TTC29: variants seen among roughly 807,000 people sequenced by gnomAD.
The protein encoded by TTC29 is tetratricopeptide repeat protein 29.
TTC29 carries 49 observed loss-of-function variants against 58.1 expected under a neutral mutation model. That is an observed-to-expected ratio of 0.84 (90% CI 0.67 to 1.07). The LOEUF (loss-of-function observed/expected upper bound fraction) is 1.07. Ranked by LOEUF, TTC29 falls within the 50% of genes least tolerant of loss-of-function variation. TTC29 has a pLI of 0.00. For synonymous variants in TTC29, 209 were observed against 196.8 expected, an observed-to-expected ratio of 1.06 and a Z score of -0.52; for missense variants, 582 against 555.6, an observed-to-expected ratio of 1.05 and a Z score of -0.48.
At chr4:146,944,760 A>G (rs374436309) in intron 2 of TTC29, among the ~76,000 whole-genome samples, 10 of 152,320 alleles carry the variant, frequency 6.6e-5, no homozygotes, top group African/African-American at 2.4e-4. Context: ...CTCTTTTACT[A>G]TGAAAGTTTA....
chr4:146,836,742 A>T (rs937730618), intron 8 of TTC29, among the ~76,000 whole-genome samples: 4 of 152,162 alleles, frequency 2.6e-5, no homozygotes, highest in Middle Eastern at 3.2e-3. Context: ...GCATATGGAA[A>T]AAAGCTCAAT....
At chr4:146,787,639 C>T (rs1033603458) in intron 11 of TTC29, among the ~76,000 whole-genome samples, 13 of 152,216 alleles carry the variant, frequency 8.5e-5, no homozygotes, top group African/African-American at 3.1e-4. Flanking sequence ...GTGAAAGCTG[C>T]AGCTTCACCG....
rs1169819657 is a variant in TTC29 at position 146,803,493 on chromosome 4, C to T, written c.1294G>A (p.Glu432Lys). The T allele has an allele frequency of 3.1e-6, 5 of 1,595,622 alleles. No individual in the cohort carries two copies. The highest frequency in any genetic ancestry group is 4.3e-6 in the Non-Finnish European group (5 of 1,169,574). The change falls in exon 11 of 13, where the codon GAG (glutamate) becomes AAG (lysine). Residue 432 changes from glutamate (E) to lysine (K), a missense_variant. By Grantham distance (56) the Glu-to-Lys change is moderately conservative. Coordinates refer to ENST00000325106, the MANE Select transcript of TTC29 (RefSeq NM_031956.4). Reference protein sequence around the residue: ...TSLNYLLSWKESRGNIEPDPV... With the variant: ...TSLNYLLSWKKSRGNIEPDPV... The stretch of plus-strand genomic sequence containing the variant: ...TCAGGTTCAATGTTACCTCTGCTCT[C>T]CTTCCATGACAGCAGGTAGTTGAGG...
intron 11 of TTC29, among the ~76,000 whole-genome samples, chr4:146,718,124 A>G (rs1041941122): frequency 3.9e-5 from 6 of 152,108 alleles, no homozygotes; most frequent in Non-Finnish European, 8.8e-5. Context: ...TTCTTTATCC[A>G]TTCATTGGTT....
At chr4:146,747,125 T>C (rs1002214049) in intron 11 of TTC29, among the ~76,000 whole-genome samples, 1 of 152,060 alleles carries the variant, frequency 6.6e-6, no homozygotes, top group African/African-American at 2.4e-5. Context: ...ACTTGCAGTT[T>C]TTACTACTAG....
At chr4:146,919,884 A>G (rs1200982857) in intron 4 of TTC29, among the ~76,000 whole-genome samples, 1 of 151,180 alleles carries the variant, frequency 6.6e-6, no homozygotes, top group Non-Finnish European at 1.5e-5. Flanking sequence ...AAGTTGCATT[A>G]TAAAGAAAAC....
intron 11 of TTC29, among the ~76,000 whole-genome samples, chr4:146,786,728 C>T (rs1040303871): frequency 6.6e-6 from 1 of 152,088 alleles, no homozygotes; most frequent in Admixed American, 6.5e-5. Context: ...CCTAAGAATG[C>T]AAAGAAGTGA....
At chr4:146,801,978 C>CAAAAAAAA (rs57486017) in intron 11 of TTC29, among the ~76,000 whole-genome samples, 28 of 38,802 alleles carry the variant, frequency 7.2e-4, no homozygotes, top group South Asian at 1.9e-3. Flanking sequence ...GACTCTGTCT[C>CAAAAAAAA]AAAAAAAAAA....
intron 10 of TTC29, among the ~76,000 whole-genome samples, chr4:146,804,046 C>A (rs141775489): frequency 6.6e-6 from 1 of 152,280 alleles, no homozygotes; most frequent in African/African-American, 2.4e-5. Context: ...ACTGAGGTAA[C>A]CGGCTCATCT....
rs977491124 is a variant in TTC29, at chr4:146,787,698, G to A, written c.1330+15759C>T. ...TAAACTTGCAGCGTATTCATTTGTG[G>A]GCACTGAGGCAGCCAGTGGGAGGGT... On this transcript the variant is annotated intron_variant, in intron 11 of 12. Transcript: ENST00000325106. 3.9e-5 allele frequency among the ~76,000 whole-genome samples: 6 copies of A among 152,124 alleles called. No individual in the cohort carries two copies. In the East Asian group the frequency reaches 1.2e-3, roughly 29 times the overall value.
At chr4:146,868,224 G>C (rs946779185) in intron 7 of TTC29, among the ~76,000 whole-genome samples, 8 of 152,128 alleles carry the variant, frequency 5.3e-5, no homozygotes, top group African/African-American at 1.9e-4. Flanking sequence ...GACTGTTGTG[G>C]GGTGTGGGGA....
At chr4:146,752,811 C>G (rs2150050268) in intron 11 of TTC29, among the ~76,000 whole-genome samples, 1 of 152,290 alleles carries the variant, frequency 6.6e-6, no homozygotes, top group South Asian at 2.1e-4. Context: ...AAAGGATTCC[C>G]TATTTAATAA....
At chr4:146,920,305 T>C (rs1734495556) in intron 4 of TTC29, among the ~76,000 whole-genome samples, 1 of 151,120 alleles carries the variant, frequency 6.6e-6, no homozygotes, top group African/African-American at 2.4e-5. Context: ...TTTACACCTA[T>C]AGGTTCGTCA....
At chr4:146,867,608 AC>A in intron 7 of TTC29, 25 bp from the exon 8 acceptor site, 1 of 1,136,182 alleles carries the variant, frequency 8.8e-7, no homozygotes, top group South Asian at 1.6e-5. Context: ...TAAAAAAATT[AC>A]CAAGTATTCA....
chr4:146,757,280 C>G (rs1046180244), intron 11 of TTC29, among the ~76,000 whole-genome samples: 30 of 152,034 alleles, frequency 2.0e-4, no homozygotes, highest in African/African-American at 7.0e-4. Flanking sequence ...TTCCTGTGAG[C>G]CGAACTGCAG....
chr4:146,789,793 T>TA (rs11456044), intron 11 of TTC29, among the ~76,000 whole-genome samples: 22,922 of 148,944 alleles, frequency 0.15, 1,857 homozygotes, highest in African/African-American at 0.23. Flanking sequence ...AGATTTTAAT[T>TA]AAAAAAAAAA....
rs58628682 is a variant in TTC29, at chr4:146,728,781, ATG to A, written c.1331-21232_1331-21231del. 6.6e-3 allele frequency among the ~76,000 whole-genome samples: 653 copies of A among 98,890 alleles called. 33 individuals carry two copies. The highest frequency in any genetic ancestry group is 0.011 in the Non-Finnish European group (496 of 47,080). The allele number at this position is 98,890 out of a possible 152,430, so 64.9% of individuals were successfully genotyped here. On this transcript the variant is annotated intron_variant, in intron 11 of 12. Coordinates refer to ENST00000325106, the MANE Select transcript of TTC29 (RefSeq NM_031956.4). ...TATGTACATATATATACACATATAT[ATG>A]TGTATATATACGTATATATACACAT...
intron 11 of TTC29, among the ~76,000 whole-genome samples, chr4:146,799,902 C>G (rs939927592): frequency 6.6e-6 from 1 of 152,120 alleles, no homozygotes; most frequent in Admixed American, 6.5e-5. Context: ...ATGAATGAGC[C>G]TTTCATTTAA....
At chr4:146,938,537 C>T (rs565004333) in intron 3 of TTC29, among the ~76,000 whole-genome samples, 2 of 151,936 alleles carry the variant, frequency 1.3e-5, no homozygotes, top group South Asian at 2.1e-4. Context: ...TTTCAGACTT[C>T]ATAAATATTT....
Sources: allele counts gnomAD v4.1 joint callset (sites outside exome capture counted in the v4.1 genomes callset), GRCh38; gene constraint gnomAD v4.1.1; transcripts MANE v1.5; gene names NCBI Gene and HGNC (gene_info 2026-07-23, HGNC 2026-07-21).